Variants in CDKL1 observed in about 807,000 individuals in gnomAD.
CDKL1 encodes cyclin-dependent kinase-like 1.
A neutral mutation model predicts 42.0 loss-of-function variants in CDKL1; 41 were observed. The ratio of observed to expected loss-of-function variants is 0.98; its 90% CI spans 0.76 to 1.27. CDKL1 has a LOEUF of 1.27. CDKL1 is among the 50% of genes most tolerant of loss of function. The pLI is 0.00. For missense variants in CDKL1, 394 were observed against 428.4 expected (o/e 0.92, Z 0.71); for synonymous variants, 153 against 158.6 (o/e 0.96, Z 0.26).
At chr14:50,352,834 T>C (rs1359663829) in intron 3 of CDKL1, among the ~76,000 whole-genome samples, 1 of 152,208 alleles carries the variant, frequency 6.6e-6, no homozygotes, top group Non-Finnish European at 1.5e-5. Context: ...TAGCCTGTCA[T>C]ATAAAACTAG....
chr14:50,363,650 A>G (rs1266881391), intron 2 of CDKL1, among the ~76,000 whole-genome samples: 1 of 152,178 alleles, frequency 6.6e-6, no homozygotes, highest in Non-Finnish European at 1.5e-5. Context: ...TTCCATATTT[A>G]GTCCTCATGT....
At chr14:50,357,869 C>T (rs1412535628) in intron 3 of CDKL1, among the ~76,000 whole-genome samples, 1 of 152,200 alleles carries the variant, frequency 6.6e-6, no homozygotes, top group Non-Finnish European at 1.5e-5. Context: ...CACATGCCCT[C>T]CCAAATCCAC....
chr14:50,347,282 A>G (rs1308380161), intron 3 of CDKL1, among the ~76,000 whole-genome samples: 1 of 152,168 alleles, frequency 6.6e-6, no homozygotes, highest in Admixed American at 6.5e-5. Flanking sequence ...CTGTTGGAGA[A>G]GGGAGTTACA....
chr14:50,355,948 C>T (rs1458000454), intron 3 of CDKL1, among the ~76,000 whole-genome samples: 1 of 152,166 alleles, frequency 6.6e-6, no homozygotes, highest in Non-Finnish European at 1.5e-5. Context: ...GTATCTCATG[C>T]TGGGGGGATT....
intron 2 of CDKL1, among the ~76,000 whole-genome samples, chr14:50,372,418 C>T (rs1458402637): frequency 7.2e-5 from 11 of 152,150 alleles, no homozygotes; most frequent in Admixed American, 2.6e-4. Context: ...ACACCCGGCC[C>T]GAGTTCATTA....
At chr14:50,343,072 A>G in intron 4 of CDKL1, 1 of 1,305,978 alleles carries the variant, frequency 7.7e-7, no homozygotes, top group Non-Finnish European at 1.0e-6. Flanking sequence ...AGAGAAAAGA[A>G]CGTTTGAGAA....
intron 2 of CDKL1, among the ~76,000 whole-genome samples, chr14:50,379,574 G>C (rs1163391296): frequency 1.3e-5 from 2 of 152,140 alleles, no homozygotes; most frequent in Non-Finnish European, 2.9e-5. Context: ...ACCATGATGA[G>C]AAGCAAGCCA....
At chr14:50,377,299 G>A (rs767290499) in intron 2 of CDKL1, among the ~76,000 whole-genome samples, 37 of 152,254 alleles carry the variant, frequency 2.4e-4, no homozygotes, top group South Asian at 1.0e-3. Flanking sequence ...CTCCATAGGG[G>A]AGCCTTGGAC....
chr14:50,359,072 A>C lies in CDKL1; in HGVS notation c.246T>G (p.Tyr82Ter). The part of the protein sequence containing the change: ...RKRRLHLVFE[Y>*]CDHTVLHELD... ...ACTCATGGAGAACTGTGTGGTCACA[A>C]TATTCAAACACCAGGTGAAGCCTCC... The change falls in exon 3 of 10, where the codon TAT (tyrosine) becomes TAG (stop). Residue 82 changes from tyrosine (Y) to a stop codon, truncating the protein, a stop_gained. Coordinates refer to ENST00000395834, the MANE Select transcript of CDKL1 (RefSeq NM_004196.7). LOFTEE classifies it high-confidence loss of function. 6.2e-7 allele frequency: 1 copy of C among 1,613,096 alleles called. No homozygotes were observed. The highest frequency in any genetic ancestry group is 8.5e-7 in the Non-Finnish European group (1 of 1,179,100).
chr14:50,383,863 C>T (rs1481239966), intron 2 of CDKL1, among the ~76,000 whole-genome samples: 4 of 152,068 alleles, frequency 2.6e-5, no homozygotes, highest in Non-Finnish European at 5.9e-5. Context: ...TTGGTTTCTG[C>T]TTCTGTTGTT....
chr14:50,357,569 G>T (rs1364347859), intron 3 of CDKL1, among the ~76,000 whole-genome samples: 2 of 152,116 alleles, frequency 1.3e-5, no homozygotes, highest in Non-Finnish European at 2.9e-5. Context: ...CTTATCTAAA[G>T]TCTCCTCCCC....
chr14:50,334,505 A>C, intron 8 of CDKL1, 60 bp downstream of exon 8: 1 of 929,516 alleles, frequency 1.1e-6, no homozygotes, highest in Non-Finnish European at 1.8e-6. Context: ...AGTAATTCAG[A>C]TTCCCCAGTG....
chr14:50,340,885 G>T (rs2033490614), intron 6 of CDKL1, 147 bp downstream of exon 6: 1 of 749,822 alleles, frequency 1.3e-6, no homozygotes, highest in Non-Finnish European at 2.1e-6. Flanking sequence ...CACCTTTAAT[G>T]GAGTCATTTA....
At chr14:50,380,426 C>G (rs1342597571) in intron 2 of CDKL1, among the ~76,000 whole-genome samples, 1 of 152,222 alleles carries the variant, frequency 6.6e-6, no homozygotes, top group Non-Finnish European at 1.5e-5. Flanking sequence ...GGCTCTGGCA[C>G]TTGACATGCA....
intron 7 of CDKL1, among the ~76,000 whole-genome samples, chr14:50,335,154 G>C (rs1393039410): frequency 2.0e-5 from 3 of 151,740 alleles, no homozygotes; most frequent in Admixed American, 1.3e-4. Flanking sequence ...AAACTAGCTG[G>C]GGGTGGTGGT....
intron 2 of CDKL1, among the ~76,000 whole-genome samples, chr14:50,388,450 G>T (rs1841914998): frequency 6.6e-6 from 1 of 152,210 alleles, no homozygotes; most frequent in African/African-American, 2.4e-5. Context: ...AGGACTTCTG[G>T]TCTGCTCTTT....
chr14:50,351,445 T>TG (rs1292310441), intron 3 of CDKL1, among the ~76,000 whole-genome samples: 14 of 152,032 alleles, frequency 9.2e-5, no homozygotes, highest in African/African-American at 3.4e-4. Context: ...TAAAATGAGT[T>TG]GGGGTGGGGC....
chr14:50,373,950 A>G (rs545519785), intron 2 of CDKL1, among the ~76,000 whole-genome samples: 1 of 152,360 alleles, frequency 6.6e-6, no homozygotes, highest in South Asian at 2.1e-4. Flanking sequence ...GTTGAAAACT[A>G]TGTCCATATG....
At chr14:50,391,216 C>G (rs908825690) in intron 2 of CDKL1, among the ~76,000 whole-genome samples, 2 of 152,128 alleles carry the variant, frequency 1.3e-5, no homozygotes, top group African/African-American at 4.8e-5. Context: ...CACCCTACCT[C>G]TCATCCAATA....
Sources: gnomAD v4.1 joint callset for allele counts (sites outside exome capture counted in the v4.1 genomes callset) on GRCh38, gnomAD v4.1.1 for gene constraint, MANE v1.5 for transcripts, NCBI Gene and HGNC (gene_info 2026-07-23, HGNC 2026-07-21) for gene names.